INTU: variants seen among roughly 807,000 people sequenced by gnomAD.
The protein encoded by INTU is inturned planar cell polarity protein, also known as protein inturned.
Under a neutral mutation model 100.5 loss-of-function variants are expected in INTU, and 68 were observed. The observed-to-expected ratio is 0.68, with a 90% CI of 0.56 to 0.83. INTU has a LOEUF of 0.83. Among genes scored for constraint, INTU ranks in the 40% least tolerant of loss-of-function variants. INTU has a pLI of 0.00. For synonymous variants in INTU, 357 were observed against 395.7 expected (o/e 0.90, Z 1.16); for missense variants, 1,071 against 1,114.7 (o/e 0.96, Z 0.56).
chr4:127,703,423 T>C (rs1347036230), intron 9 of INTU, among the ~76,000 whole-genome samples: 2 of 152,224 alleles, frequency 1.3e-5, no homozygotes, highest in Non-Finnish European at 2.9e-5. Flanking sequence ...ACTGCTCTTA[T>C]GGATTGGAAT....
At chr4:127,647,900 G>A (rs1727661016) in intron 2 of INTU, among the ~76,000 whole-genome samples, 1 of 151,838 alleles carries the variant, frequency 6.6e-6, no homozygotes, top group Admixed American at 6.6e-5. Flanking sequence ...ACAAACTTTT[G>A]CATATATATT....
At chr4:127,645,817 G>C (rs1218598786) in intron 2 of INTU, among the ~76,000 whole-genome samples, 3 of 152,008 alleles carry the variant, frequency 2.0e-5, no homozygotes, top group Non-Finnish European at 4.4e-5. Flanking sequence ...ACCCGCCTCA[G>C]CCTCACAAAG....
chr4:127,640,294 T>G (rs1727253063), intron 1 of INTU, among the ~76,000 whole-genome samples: 1 of 151,828 alleles, frequency 6.6e-6, no homozygotes, highest in African/African-American at 2.4e-5. Flanking sequence ...AGAACAAAAT[T>G]TGAACTCAGC....
chr4:127,640,593 AT>A, intron 1 of INTU, among the ~76,000 whole-genome samples: 1 of 25,508 alleles, frequency 3.9e-5, no homozygotes, highest in East Asian at 8.4e-4. Context: ...ATATATATAC[AT>A]ATACATAAAC....
At chr4:127,686,212 T>C (rs1270228891) in intron 7 of INTU, 1 of 152,204 alleles carries the variant, frequency 6.6e-6, no homozygotes, top group Non-Finnish European at 1.5e-5. Flanking sequence ...CAGTTTAACG[T>C]TGTGACCAAA....
Position 127,656,718 on chromosome 4 carries a change from G to A in INTU, c.765G>A (p.Met255Ile). The change falls in exon 3 of 16, where the codon ATG becomes ATA. Residue 255 changes from methionine to isoleucine, a missense_variant. Met to Ile is a conservative substitution (Grantham distance 10). Transcript: ENST00000335251. The part of the protein sequence containing the change: ...ERVLSCIPGP[M>I]QVKLTFENAY... The stretch of plus-strand genomic sequence containing the variant: ...TTCTGTCTTGCATTCCTGGACCTAT[G>A]CAGGTATGGACATTCTTTTTCTATA... 1 of 1,582,950 alleles carries A rather than the reference G, an allele frequency of 6.3e-7. No individual in the cohort carries two copies.
rs1381440097 is a variant in INTU, at chr4:127,716,865, T to C, written c.*429T>C. Reference sequence around the variant, plus strand: ...ATTGGGAGCAGGTGACCAGGTGCTGTAACTAAGTAGTGCTATGACCATGAG... The same window carrying C: ...ATTGGGAGCAGGTGACCAGGTGCTGCAACTAAGTAGTGCTATGACCATGAG... On this transcript the variant is annotated 3_prime_UTR_variant, in exon 16 of 16. Coordinates refer to ENST00000335251, the MANE Select transcript of INTU (RefSeq NM_015693.4). 6.6e-6 allele frequency: 1 copy of C among 152,502 alleles called. No individual in the cohort carries two copies. The highest frequency in any genetic ancestry group is 1.5e-5 in the Non-Finnish European group (1 of 68,208). 9.4% of individuals were successfully genotyped at this position (152,502 alleles called of 1,614,324 possible).
In INTU at chr4:127,725,132, TAA is replaced by T. The variant is rs763050553; in HGVS notation, c.*8720_*8721del. Reference sequence around the variant, plus strand: ...GAAACCCTGTCTCTACTAAAAATACTAAAAAAAAAAAAAAAAAAAAAAAAATT... The same window carrying T: ...GAAACCCTGTCTCTACTAAAAATACTAAAAAAAAAAAAAAAAAAAAAAATT... On this transcript the variant is annotated 3_prime_UTR_variant, in exon 16 of 16. Coordinates refer to ENST00000335251, the MANE Select transcript of INTU (RefSeq NM_015693.4). 7.8e-3 allele frequency: 617 copies of T among 79,338 alleles called. 5 individuals carry two copies. The highest frequency in any genetic ancestry group is 0.023 in the African/African-American group (551 of 23,532). The allele number at this position is 79,338 out of a possible 1,614,324, so 4.9% of individuals were successfully genotyped here.
At chr4:127,648,608 A>T (rs1727693448) in intron 2 of INTU, among the ~76,000 whole-genome samples, 1 of 152,202 alleles carries the variant, frequency 6.6e-6, no homozygotes, top group African/African-American at 2.4e-5. Flanking sequence ...CAAATTTAAA[A>T]TGTTTTTACT....
At position 127,663,556 on chromosome 4, in the gene INTU, A is replaced by G; in HGVS notation, c.944A>G (p.Gln315Arg). 1.2e-6 allele frequency: 2 copies of G among 1,613,252 alleles called. No individual in the cohort carries two copies. Among genetic ancestry groups the G allele is most frequent in the Non-Finnish European group, 1.7e-6 (2 of 1,179,464 alleles). Residue 315 changes from glutamine (Q) to arginine (R), a missense_variant, in exon 4 of 16, where the codon CAG becomes CGG. Physicochemically the swap from Gln to Arg is conservative, Grantham distance 43 (BLOSUM62 1). Transcript: ENST00000335251. ...TPHIIMYLTLQLDSETSKEEQ... is the reference protein window; with the variant it reads ...TPHIIMYLTLRLDSETSKEEQ... Reference sequence around the variant, plus strand: ...CATATCATTATGTATCTCACACTACAGCTCGACTCAGAAACCTCAAAGGAA... The same window carrying G: ...CATATCATTATGTATCTCACACTACGGCTCGACTCAGAAACCTCAAAGGAA...
In INTU at chr4:127,687,724, A is replaced by T. The variant is rs1213623881; in HGVS notation, c.1306A>T (p.Asn436Tyr). The change falls in exon 8 of 16, where the codon AAC becomes TAC. Residue 436 changes from asparagine (N) to tyrosine (Y), a missense_variant. Transcript: ENST00000335251. ...ENVPRLDHFF[N>Y]LFFQRALQPA... is the part of the protein sequence containing the mutation. ...TGTTCCTCGTTTGGATCATTTTTTT[A>T]ACTTGTTCTTTCAAAGAGCACTTCA... 6.2e-7 allele frequency: 1 copy of T among 1,613,040 alleles called. No individual in the cohort carries two copies. Among genetic ancestry groups the T allele is most frequent in the East Asian group, 2.2e-5 (1 of 44,860 alleles).
rs1191089611 is a variant in INTU at position 127,717,063 on chromosome 4, C to T, written c.*627C>T. The T allele has an allele frequency of 6.6e-6, 1 of 152,162 alleles. No homozygotes were observed. Among genetic ancestry groups the T allele is most frequent in the Non-Finnish European group, 1.5e-5 (1 of 68,044 alleles). The allele number at this position is 152,162 out of a possible 1,614,324, so 9.4% of individuals were successfully genotyped here. A position where few individuals can be genotyped will look rare whatever the true frequency, so the allele number is the denominator to read the frequency against. ...GTTCGTTACATAGGTAAACATGTGCCATGGCGGTTTGCTCCACCTATCAAC... is the reference window on the plus strand; with the variant it reads ...GTTCGTTACATAGGTAAACATGTGCTATGGCGGTTTGCTCCACCTATCAAC... On this transcript the variant is annotated 3_prime_UTR_variant, in exon 16 of 16. Transcript: ENST00000335251.
rs1028117648 is a variant in INTU, at chr4:127,722,814, G to C, written c.*6378G>C. On this transcript the variant is annotated 3_prime_UTR_variant, in exon 16 of 16. Coordinates refer to ENST00000335251, the MANE Select transcript of INTU (RefSeq NM_015693.4). ...CCTTCCCCACTTCCAGAACTCAGTC[G>C]TCTTAGGCAGTTTCTAGCTGGTGGG... The C allele has an allele frequency of 6.6e-6, 1 of 152,314 alleles. No individual in the cohort carries two copies. The highest frequency in any genetic ancestry group is 6.5e-5 in the Admixed American group (1 of 15,274). The allele number at this position is 152,314 out of a possible 1,614,324, so 9.4% of individuals were successfully genotyped here.
At chr4:127,677,313 A>G (rs542186932) in intron 6 of INTU, among the ~76,000 whole-genome samples, 16 of 151,816 alleles carry the variant, frequency 1.1e-4, no homozygotes, top group Admixed American at 4.6e-4. Context: ...TGGGTCCCTG[A>G]CCCCTGACCC....
chr4:127,679,918 A>T lies in INTU; in HGVS notation c.1182-4491A>T, dbSNP rs1033840323. Among the ~76,000 whole-genome samples the T allele has an allele frequency of 2.0e-5, 3 of 152,126 alleles. No individual in the cohort carries two copies. The East Asian group carries it at 5.8e-4, about 29-fold the overall frequency. On this transcript the variant is annotated intron_variant, in intron 6 of 15. Transcript: ENST00000335251. ...TAGACGCAATAAAAAATGATAAAGGAGATATCACCACCGATCCCACAGAAT... is the reference window on the plus strand; with the variant it reads ...TAGACGCAATAAAAAATGATAAAGGTGATATCACCACCGATCCCACAGAAT...
chr4:127,677,291 T>A (rs1578584757), intron 6 of INTU, among the ~76,000 whole-genome samples: 1 of 152,058 alleles, frequency 6.6e-6, no homozygotes, highest in Non-Finnish European at 1.5e-5. Context: ...ATGGGCAGAC[T>A]GCCTCCTCAA....
At chr4:127,668,560 C>T (rs936827972) in intron 4 of INTU, among the ~76,000 whole-genome samples, 2 of 151,334 alleles carry the variant, frequency 1.3e-5, no homozygotes, top group Non-Finnish European at 3.0e-5. Flanking sequence ...AATGATTTCA[C>T]CAAAAATGTT....
At chr4:127,651,028 G>A (rs924854418) in intron 2 of INTU, among the ~76,000 whole-genome samples, 4 of 152,174 alleles carry the variant, frequency 2.6e-5, no homozygotes, top group Non-Finnish European at 4.4e-5. Flanking sequence ...TTTGAGAAGT[G>A]TCTGTTCATG....
At position 127,725,468 on chromosome 4, in the gene INTU, T is replaced by A. The variant is rs1039892477; in HGVS notation, c.*9032T>A. 2.0e-5 allele frequency: 3 copies of A among 152,216 alleles called. No homozygotes were observed. Among genetic ancestry groups the A allele is most frequent in the Non-Finnish European group, 2.9e-5 (2 of 68,044 alleles). 9.4% of individuals were successfully genotyped at this position (152,216 alleles called of 1,614,324 possible). A position where few individuals can be genotyped will look rare whatever the true frequency, so the allele number is the denominator to read the frequency against. ...ATTAAATGTCTTAAATTTCTGGATA[T>A]GTCCCTGAAAATACCATGAACTACT... On this transcript the variant is annotated 3_prime_UTR_variant, in exon 16 of 16. Transcript: ENST00000335251.
Sources: gnomAD v4.1 joint callset for allele counts (sites outside exome capture counted in the v4.1 genomes callset) on GRCh38, gnomAD v4.1.1 for gene constraint, MANE v1.5 for transcripts, NCBI Gene and HGNC (gene_info 2026-07-23, HGNC 2026-07-21) for gene names.